The following STXBP5L variants were observed in gnomAD, a reference collection of about 807,000 sequenced individuals.
STXBP5L encodes the protein syntaxin-binding protein 5-like.
Under a neutral mutation model 144.5 loss-of-function variants are expected in STXBP5L, and 65 were observed. That is an observed-to-expected ratio of 0.45 (90% confidence interval 0.37 to 0.55). The LOEUF is 0.55. Among genes scored for constraint, STXBP5L ranks in the 20% least tolerant of loss-of-function variants. The pLI, the probability that STXBP5L is intolerant of heterozygous loss-of-function variation, is 0.00. For synonymous variants in STXBP5L, 505 were observed against 469.6 expected, an observed-to-expected ratio of 1.08 and a Z score of -0.97; for missense variants, 1,298 against 1,405.5, an observed-to-expected ratio of 0.92 and a Z score of 1.22.
At chr3:121,133,421 G>T (rs147754614) in intron 7 of STXBP5L, among the ~76,000 whole-genome samples, 143 of 152,200 alleles carry the variant, frequency 9.4e-4, no homozygotes, top group Non-Finnish European at 1.6e-3. Context: ...ATCTTTATAA[G>T]ATAATCCACA....
intron 22 of STXBP5L, among the ~76,000 whole-genome samples, chr3:121,403,223 C>G (rs963748454): frequency 1.3e-5 from 2 of 152,088 alleles, no homozygotes; most frequent in Non-Finnish European, 2.9e-5. Flanking sequence ...ATTCATTTAA[C>G]AGAATCATTC....
intron 3 of STXBP5L, among the ~76,000 whole-genome samples, chr3:120,982,044 A>G (rs1004634119): frequency 6.6e-6 from 1 of 152,088 alleles, no homozygotes; most frequent in Non-Finnish European, 1.5e-5. Flanking sequence ...CAATAACAGG[A>G]TTGTATTTGT....
intron 10 of STXBP5L, among the ~76,000 whole-genome samples, chr3:121,219,693 G>A (rs2048915668): frequency 6.6e-6 from 1 of 152,008 alleles, no homozygotes; most frequent in Admixed American, 6.6e-5. Flanking sequence ...CTTTTAATCT[G>A]TTCCTATTAC....
intron 3 of STXBP5L, among the ~76,000 whole-genome samples, chr3:120,994,105 T>A (rs1443896281): frequency 6.6e-6 from 1 of 152,122 alleles, no homozygotes; most frequent in Admixed American, 6.6e-5. Context: ...ATAATTGATG[T>A]ATAGAAATGC....
chr3:121,014,780 A>C (rs1332820231), intron 3 of STXBP5L, among the ~76,000 whole-genome samples: 1 of 152,094 alleles, frequency 6.6e-6, no homozygotes, highest in East Asian at 1.9e-4. Context: ...ATTATGTAAA[A>C]ATCTCAATGA....
chr3:121,033,826 G>A (rs1243535082), intron 3 of STXBP5L, among the ~76,000 whole-genome samples: 1 of 151,834 alleles, frequency 6.6e-6, no homozygotes, highest in African/African-American at 2.4e-5. Flanking sequence ...TAAACTAAAT[G>A]TCACAGCTGA....
intron 2 of STXBP5L, among the ~76,000 whole-genome samples, chr3:120,953,197 G>A (rs1937635322): frequency 6.6e-6 from 1 of 151,890 alleles, no homozygotes; most frequent in Admixed American, 6.6e-5. Context: ...AAGAGCTGTT[G>A]AACAAATATG....
chr3:121,076,877 T>G (rs1336146975), intron 5 of STXBP5L, among the ~76,000 whole-genome samples: 3 of 152,192 alleles, frequency 2.0e-5, no homozygotes, highest in Admixed American at 1.3e-4. Context: ...GACTGGGTCC[T>G]ATTACAGGAG....
At chr3:120,981,803 A>G (rs1415554554) in intron 3 of STXBP5L, among the ~76,000 whole-genome samples, 2 of 152,086 alleles carry the variant, frequency 1.3e-5, no homozygotes, top group Non-Finnish European at 2.9e-5. Flanking sequence ...AGAAGCCATC[A>G]CTTCTTATCT....
At chr3:120,943,873 TTC>T (rs1277458649) in intron 2 of STXBP5L, among the ~76,000 whole-genome samples, 4 of 151,530 alleles carry the variant, frequency 2.6e-5, no homozygotes, top group African/African-American at 9.7e-5. Context: ...TAGTTTATTT[TTC>T]TCTCTGTCTC....
At chr3:121,037,230 GT>G (rs531825201) in intron 3 of STXBP5L, among the ~76,000 whole-genome samples, 53 of 143,472 alleles carry the variant, frequency 3.7e-4, no homozygotes, top group Middle Eastern at 3.6e-3. Context: ...ACCACACCTG[GT>G]TTTTTTTTTT....
intron 5 of STXBP5L, among the ~76,000 whole-genome samples, chr3:121,070,161 C>A (rs1014785523): frequency 2.0e-5 from 3 of 152,210 alleles, no homozygotes; most frequent in African/African-American, 7.2e-5. Context: ...GAGCCCTGAA[C>A]AAAGGGCTTT....
rs562305331 is a variant in STXBP5L, at chr3:120,961,470, G to A, written c.287+6433G>A. On this transcript the variant is annotated intron_variant, in intron 3 of 26. Coordinates refer to ENST00000471454, the MANE Select transcript of STXBP5L (RefSeq NM_001308330.2). ...CCCAGTGTGTGATGTTCCCCGCCCC[G>A]TGTGTGAGTGATCTCATTGTTCAAT... is the stretch of plus-strand genomic sequence containing the variant. Among the ~76,000 whole-genome samples, 726 of 151,950 alleles carry A rather than the reference G, an allele frequency of 4.8e-3. 5 individuals are homozygous for A. Among genetic ancestry groups the A allele is most frequent in the African/African-American group, 0.015 (618 of 41,458 alleles).
intron 20 of STXBP5L, among the ~76,000 whole-genome samples, chr3:121,372,946 T>A (rs2046075669): frequency 6.6e-6 from 1 of 152,208 alleles, no homozygotes; most frequent in Non-Finnish European, 1.5e-5. Flanking sequence ...TTTAAAAGAA[T>A]AAGTAAATTG....
At chr3:121,208,524 C>G (rs2108243064) in intron 10 of STXBP5L, among the ~76,000 whole-genome samples, 1 of 151,328 alleles carries the variant, frequency 6.6e-6, no homozygotes, top group East Asian at 2.0e-4. Flanking sequence ...CTGTTTTATA[C>G]CATTATAACT....
rs545192438 is a variant in STXBP5L at position 121,053,910 on chromosome 3, C to T, written c.470+8375C>T. Among the ~76,000 whole-genome samples the T allele has an allele frequency of 6.4e-4, 97 of 152,096 alleles. No homozygotes were observed. The Middle Eastern group carries it at 0.01, about 16-fold the overall frequency. ...TTTACAAGAAAAAAAAACAAACAAC[C>T]CCATCAAAAAGTGGGCAAAGGATAT... On this transcript the variant is annotated intron_variant, in intron 5 of 26. Coordinates refer to ENST00000471454, the MANE Select transcript of STXBP5L (RefSeq NM_001308330.2).
intron 5 of STXBP5L, among the ~76,000 whole-genome samples, chr3:121,064,812 T>C (rs1169413866): frequency 6.6e-6 from 1 of 152,194 alleles, no homozygotes; most frequent in Non-Finnish European, 1.5e-5. Flanking sequence ...TATGTGATGC[T>C]GAGGTTTGGG....
intron 19 of STXBP5L, among the ~76,000 whole-genome samples, chr3:121,308,270 A>T (rs1457708554): frequency 6.6e-6 from 1 of 152,232 alleles, no homozygotes; most frequent in East Asian, 1.9e-4. Context: ...ATAAAATTAA[A>T]TTTTTAAAAA....
At chr3:121,091,251 G>A (rs1473878689) in intron 5 of STXBP5L, among the ~76,000 whole-genome samples, 1 of 147,134 alleles carries the variant, frequency 6.8e-6, no homozygotes, top group East Asian at 2.0e-4. Context: ...ATGTGCATGT[G>A]TCTTTATAGC....
Sources: allele counts gnomAD v4.1 joint callset (sites outside exome capture counted in the v4.1 genomes callset), GRCh38; gene constraint gnomAD v4.1.1; transcripts MANE v1.5; gene names NCBI Gene and HGNC (gene_info 2026-07-23, HGNC 2026-07-21).